Variants in PPP2R2B observed in about 807,000 individuals in gnomAD.
The protein encoded by PPP2R2B is serine/threonine-protein phosphatase 2A 55 kDa regulatory subunit B beta isoform.
In PPP2R2B, 5 loss-of-function variants were observed where a neutral mutation model predicts 46.0. That is an observed-to-expected ratio of 0.11 (90% CI 0.06 to 0.23). The LOEUF (loss-of-function observed/expected upper bound fraction) is 0.23. PPP2R2B is among the 10% of genes least tolerant of loss of function. The pLI is 1.00. For synonymous variants in PPP2R2B, 215 were observed against 206.7 expected, an observed-to-expected ratio of 1.04 and a Z score of -0.34; for missense variants, 367 against 575.0, an observed-to-expected ratio of 0.64 and a Z score of 3.70.
chr5:146,782,483 G>A (rs946215910), intron 2 of PPP2R2B, among the ~76,000 whole-genome samples: 2 of 152,200 alleles, frequency 1.3e-5, no homozygotes, highest in African/African-American at 4.8e-5. Flanking sequence ...AAAGCCCAAA[G>A]AGATGGCCCA....
At chr5:146,707,692 A>T in intron 2 of PPP2R2B, 1 of 530,226 alleles carries the variant, frequency 1.9e-6, no homozygotes, top group East Asian at 3.1e-5. Context: ...ATCTTTTCTA[A>T]CAGGTAAAGC....
chr5:146,844,128 T>A (rs1450199497), intron 2 of PPP2R2B, among the ~76,000 whole-genome samples: 1 of 142,612 alleles, frequency 7.0e-6, no homozygotes, highest in Non-Finnish European at 1.5e-5. Context: ...CCGCATATTC[T>A]CACTCATAGG....
chr5:146,909,006 C>T (rs1377014924), intron 1 of PPP2R2B, among the ~76,000 whole-genome samples: 1 of 152,128 alleles, frequency 6.6e-6, no homozygotes, highest in East Asian at 1.9e-4. Context: ...TCCTTCAGAT[C>T]AGCTCCTGGA....
chr5:146,734,064 T>C (rs909702413), intron 2 of PPP2R2B, among the ~76,000 whole-genome samples: 14 of 151,954 alleles, frequency 9.2e-5, no homozygotes, highest in Non-Finnish European at 2.1e-4. Flanking sequence ...AGGTTTTTTT[T>C]TTTTTTTTGA....
At chr5:146,745,816 G>A (rs941823949) in intron 2 of PPP2R2B, among the ~76,000 whole-genome samples, 3 of 152,102 alleles carry the variant, frequency 2.0e-5, no homozygotes, top group East Asian at 1.9e-4. Flanking sequence ...AAATCAGCCA[G>A]GCATGGTGGT....
At chr5:146,733,859 T>C (rs1752378031) in intron 2 of PPP2R2B, among the ~76,000 whole-genome samples, 1 of 152,156 alleles carries the variant, frequency 6.6e-6, no homozygotes, top group Non-Finnish European at 1.5e-5. Flanking sequence ...ATTTGAGTCA[T>C]GACAATAGCA....
At chr5:147,021,013 T>C (rs1404787862) in intron 1 of PPP2R2B, among the ~76,000 whole-genome samples, 2 of 152,202 alleles carry the variant, frequency 1.3e-5, no homozygotes, top group African/African-American at 2.4e-5. Flanking sequence ...GAATTGGTAG[T>C]GTATGTTAAC....
intron 2 of PPP2R2B, among the ~76,000 whole-genome samples, chr5:146,840,553 C>G (rs1334198203): frequency 6.6e-6 from 1 of 152,156 alleles, no homozygotes; most frequent in African/African-American, 2.4e-5. Context: ...AATCAACAGA[C>G]AGTTCCACAC....
At chr5:146,684,702 T>C (rs1174640736) in intron 5 of PPP2R2B, among the ~76,000 whole-genome samples, 1 of 152,232 alleles carries the variant, frequency 6.6e-6, no homozygotes, top group African/African-American at 2.4e-5. Context: ...CCTCCCTTTG[T>C]GCTTCTTCTG....
At chr5:146,951,696 C>T (rs1463335101) in intron 1 of PPP2R2B, among the ~76,000 whole-genome samples, 4 of 151,982 alleles carry the variant, frequency 2.6e-5, no homozygotes. Context: ...GATCTCATTC[C>T]TTTTTATGGC....
intron 8 of PPP2R2B, among the ~76,000 whole-genome samples, chr5:146,594,601 C>G (rs75426067): frequency 6.6e-6 from 1 of 152,204 alleles, no homozygotes; most frequent in Non-Finnish European, 1.5e-5. Context: ...TAGGTACTTT[C>G]ATTCTCTTTA....
intron 1 of PPP2R2B, chr5:146,919,798 AT>A (rs1313289523): frequency 6.6e-6 from 1 of 152,268 alleles, no homozygotes; most frequent in Non-Finnish European, 1.5e-5. Flanking sequence ...CTATGCCAGA[AT>A]AGCAACTTTA....
chr5:146,684,024 C>A (rs1778337307), intron 5 of PPP2R2B, among the ~76,000 whole-genome samples: 1 of 152,118 alleles, frequency 6.6e-6, no homozygotes, highest in South Asian at 2.1e-4. Context: ...TAGAATGACA[C>A]ATTCACAAAG....
At chr5:146,772,655 C>T (rs1014253754) in intron 2 of PPP2R2B, among the ~76,000 whole-genome samples, 3 of 151,946 alleles carry the variant, frequency 2.0e-5, no homozygotes, top group Non-Finnish European at 2.9e-5. Context: ...AGGGGCCTAG[C>T]CATGGAACTC....
In PPP2R2B at chr5:147,081,057, A is replaced by G. The variant is rs1484103552; in HGVS notation, c.50+2T>C. 1 of 1,534,862 alleles carries G rather than the reference A, an allele frequency of 6.5e-7. No individual in the cohort carries two copies. The highest frequency in any genetic ancestry group is 8.7e-7 in the Non-Finnish European group (1 of 1,146,450). ...GGAAAAGGGCATGGGGATTTCTCCT[A>G]CCTTCTGTGGTTCCAATCTCGATAG... is the stretch of plus-strand genomic sequence containing the variant. On this transcript the variant is annotated splice_donor_variant, in intron 2 of 10. Coordinates refer to the PPP2R2B transcript ENST00000394413. LOFTEE classifies it high-confidence loss of function.
chr5:146,892,887 G>A (rs985324032), intron 1 of PPP2R2B, among the ~76,000 whole-genome samples: 2 of 152,110 alleles, frequency 1.3e-5, no homozygotes, highest in Admixed American at 6.6e-5. Flanking sequence ...CCTAAGTTCT[G>A]CAGAAACATT....
intron 2 of PPP2R2B, among the ~76,000 whole-genome samples, chr5:146,737,093 C>T (rs1752578089): frequency 6.6e-6 from 1 of 152,078 alleles, no homozygotes; most frequent in South Asian, 2.1e-4. Flanking sequence ...GTCTTCAAAT[C>T]CTGGTGTGTA....
chr5:146,883,047 G>C (rs935992659), upstream of PPP2R2B, among the ~76,000 whole-genome samples: 5 of 152,104 alleles, frequency 3.3e-5, no homozygotes, highest in African/African-American at 9.7e-5. Flanking sequence ...TGTCCAATTA[G>C]CACATTAAAT....
At chr5:146,690,666 C>T (rs1778793640) in intron 5 of PPP2R2B, among the ~76,000 whole-genome samples, 1 of 152,202 alleles carries the variant, frequency 6.6e-6, no homozygotes, top group South Asian at 2.1e-4. Flanking sequence ...TTAAAATTAA[C>T]TTGCATGTTG....
Sources: allele counts gnomAD v4.1 joint callset (sites outside exome capture counted in the v4.1 genomes callset), GRCh38; gene constraint gnomAD v4.1.1; transcripts MANE v1.5; gene names NCBI Gene and HGNC (gene_info 2026-07-23, HGNC 2026-07-21).